VASN: variants seen among roughly 807,000 people sequenced by gnomAD.
VASN encodes the protein vasorin, also known as protein slit-like 2.
A neutral mutation model predicts 4.8 loss-of-function variants in VASN; 5 were observed. That is an observed-to-expected ratio of 1.03 (90% confidence interval 0.54 to 2.17). VASN has a LOEUF of 2.17. Among genes scored for constraint, VASN ranks in the 30% most tolerant of loss-of-function variants. The probability of loss-of-function intolerance (pLI) is 0.01; values close to 1 mark genes in which losing one functional copy is unlikely to be tolerated. For synonymous variants in VASN, 499 were observed against 460.8 expected (o/e 1.08, Z -1.06); for missense variants, 927 against 948.8 (o/e 0.98, Z 0.30).
intron 1 of VASN, among the ~76,000 whole-genome samples, chr16:4,374,943 G>A (rs2054666589): frequency 6.6e-6 from 1 of 152,084 alleles, no homozygotes; most frequent in Non-Finnish European, 1.5e-5. Context: ...CCCCTGGGTG[G>A]GGACAGGGCA....
chr16:4,376,475 G>A (rs2054735497), intron 1 of VASN, among the ~76,000 whole-genome samples: 1 of 152,172 alleles, frequency 6.6e-6, no homozygotes, highest in Admixed American at 6.5e-5. Flanking sequence ...CACAGGAGGG[G>A]CGTACTGGCC....
Position 4,382,602 on chromosome 16 carries a change from GCTC to G in VASN, c.1729_1731del (p.Leu577del). The G allele has an allele frequency of 1.9e-6, 3 of 1,588,910 alleles. No individual in the cohort carries two copies. The highest frequency in any genetic ancestry group is 1.7e-4 in the Middle Eastern group (1 of 6,016). On this transcript the variant is annotated inframe_deletion, in exon 2 of 2. Coordinates refer to ENST00000304735, the MANE Select transcript of VASN (RefSeq NM_138440.3). ...CCCAGGCCCGCGAGGGCAACCTGCC[GCTC>G]CTCATTGCGCCCGCCCTGGCCGCGG...
chr16:4,380,811 T>C, intron 1 of VASN, 58 bp from the exon 2 acceptor site: 1 of 1,417,428 alleles, frequency 7.1e-7, no homozygotes, highest in Non-Finnish European at 9.2e-7. Context: ...TCCTGGCGTG[T>C]CTGCCTTCTA....
At position 4,381,763 on chromosome 16, in the gene VASN, G is replaced by A. The variant is rs756410464; in HGVS notation, c.886G>A (p.Ala296Thr). The A allele has an allele frequency of 2.5e-6, 4 of 1,602,206 alleles. No homozygotes were observed. The highest frequency in any genetic ancestry group is 2.5e-6 in the Non-Finnish European group (3 of 1,179,330). The change falls in exon 2 of 2, where the codon GCC (alanine) becomes ACC (threonine). Residue 296 changes from alanine (A) to threonine (T), a missense_variant. Transcript: ENST00000304735. ...CCCCCGCCTGCGGCTGCTGGCAGCT[G>A]CCCGCAACCCCTTCAACTGCGTGTG... Reference protein sequence around the residue: ...LFPRLRLLAAARNPFNCVCPL... With the variant: ...LFPRLRLLAATRNPFNCVCPL...
chr16:4,378,358 TGGCCAC>T (rs1223411827), intron 1 of VASN, among the ~76,000 whole-genome samples: 6 of 151,726 alleles, frequency 4.0e-5, no homozygotes, highest in Admixed American at 6.6e-5. Flanking sequence ...CTGGCCAGGC[TGGCCAC>T]GTGGAGGATC....
chr16:4,376,169 C>T (rs1323043339), intron 1 of VASN, among the ~76,000 whole-genome samples: 4 of 152,190 alleles, frequency 2.6e-5, no homozygotes, highest in Non-Finnish European at 4.4e-5. Flanking sequence ...TGAGGGCCCA[C>T]GACCCCTGAC....
intron 1 of VASN, among the ~76,000 whole-genome samples, chr16:4,376,079 G>A (rs1440196501): frequency 6.6e-6 from 1 of 152,196 alleles, no homozygotes; most frequent in Non-Finnish European, 1.5e-5. Context: ...TCACCAGCCA[G>A]GGGTCCCCGC....
At position 4,381,769 on chromosome 16, in the gene VASN, A is replaced by G. The variant is rs770871232; in HGVS notation, c.892A>G (p.Asn298Asp). The change falls in exon 2 of 2, where the codon AAC becomes GAC. Residue 298 changes from asparagine (N) to aspartate (D), a missense_variant. Transcript: ENST00000304735. ...CCTGCGGCTGCTGGCAGCTGCCCGCAACCCCTTCAACTGCGTGTGCCCCCT... is the reference window on the plus strand; with the variant it reads ...CCTGCGGCTGCTGGCAGCTGCCCGCGACCCCTTCAACTGCGTGTGCCCCCT... ...PRLRLLAAAR[N>D]PFNCVCPLSW... 6.2e-7 allele frequency: 1 copy of G among 1,601,478 alleles called. No homozygotes were observed. The highest frequency in any genetic ancestry group is 8.5e-7 in the Non-Finnish European group (1 of 1,179,272).
At chr16:4,379,207 G>A (rs997541543) in intron 1 of VASN, among the ~76,000 whole-genome samples, 8 of 152,102 alleles carry the variant, frequency 5.3e-5, no homozygotes, top group Admixed American at 3.9e-4. Context: ...GGGGAAGCCC[G>A]GACTCCAGCA....
intron 1 of VASN, among the ~76,000 whole-genome samples, chr16:4,378,708 G>C (rs1256141248): frequency 6.6e-6 from 1 of 152,044 alleles, no homozygotes; most frequent in South Asian, 2.1e-4. Flanking sequence ...AGGCCCTCCT[G>C]GGCTGTTCAC....
At chr16:4,375,470 G>A (rs2054684816) in intron 1 of VASN, among the ~76,000 whole-genome samples, 1 of 152,252 alleles carries the variant, frequency 6.6e-6, no homozygotes, top group Non-Finnish European at 1.5e-5. Context: ...ATACAGCTCT[G>A]CCTGGGTCTC....
intron 1 of VASN, among the ~76,000 whole-genome samples, chr16:4,376,264 C>T (rs1245839443): frequency 6.6e-6 from 1 of 152,222 alleles, no homozygotes; most frequent in Admixed American, 6.5e-5. Context: ...TCCTCGGACA[C>T]GTCAGCGAAA....
In VASN at chr16:4,382,728, A is replaced by G. The variant is rs1228819398; in HGVS notation, c.1851A>G (p.Pro617=). The G allele has an allele frequency of 2.6e-6, 4 of 1,553,090 alleles. No homozygotes were observed. The highest frequency in any genetic ancestry group is 2.4e-5 in the East Asian group (1 of 41,164). Residue 617 remains proline (P), a synonymous_variant, in exon 2 of 2, where the codon CCA becomes CCG. Coordinates refer to ENST00000304735, the MANE Select transcript of VASN (RefSeq NM_138440.3). ...AAAQDKGQVG[P]GAGPLELEGV... Reference sequence around the variant, plus strand: ...CTCAGGACAAAGGGCAGGTGGGGCCAGGGGCTGGGCCCCTGGAACTGGAGG... The same window carrying G: ...CTCAGGACAAAGGGCAGGTGGGGCCGGGGGCTGGGCCCCTGGAACTGGAGG...
In VASN at chr16:4,381,510, C is replaced by T. The variant is rs1178533414; in HGVS notation, c.633C>T (p.Leu211=). 3.1e-6 allele frequency: 5 copies of T among 1,595,670 alleles called. No homozygotes were observed. The highest frequency in any genetic ancestry group is 3.4e-6 in the Non-Finnish European group (4 of 1,172,604). The change falls in exon 2 of 2, where the codon CTC becomes CTT. Residue 211 remains leucine (L), a synonymous_variant. Coordinates refer to ENST00000304735, the MANE Select transcript of VASN (RefSeq NM_138440.3). The part of the protein sequence containing the change: ...GLGLQQLDEG[L]FSRLRNLHDL... ...GGCTGCAGCAGCTGGACGAGGGGCT[C>T]TTCAGCCGCTTGCGCAACCTCCACG... is the stretch of plus-strand genomic sequence containing the variant.
rs144301938 is a variant in VASN at position 4,382,158 on chromosome 16, C to T, written c.1281C>T (p.His427=). ...GGTCHLGTRH[H]LACLCPEGFT... is the part of the protein sequence containing the mutation. ...CATGCCACCTGGGGACACGGCACCACCTGGCGTGCTTGTGCCCCGAAGGCT... is the reference window on the plus strand; with the variant it reads ...CATGCCACCTGGGGACACGGCACCATCTGGCGTGCTTGTGCCCCGAAGGCT... The change falls in exon 2 of 2, where the codon CAC becomes CAT. Residue 427 remains histidine (H), a synonymous_variant. Transcript: ENST00000304735. 58 of 1,593,364 alleles carry T rather than the reference C, an allele frequency of 3.6e-5. No individual in the cohort carries two copies. In the African/African-American group the frequency reaches 6.4e-4, roughly 18 times the overall value.
At chr16:4,374,919 T>G (rs2054665493) in intron 1 of VASN, among the ~76,000 whole-genome samples, 1 of 152,026 alleles carries the variant, frequency 6.6e-6, no homozygotes, top group Non-Finnish European at 1.5e-5. Flanking sequence ...AGGGCCTTAC[T>G]AGATGGGTGC....
chr16:4,380,363 C>G (rs921717689), intron 1 of VASN, among the ~76,000 whole-genome samples: 4 of 152,244 alleles, frequency 2.6e-5, no homozygotes, highest in Admixed American at 2.0e-4. Flanking sequence ...CATGTGAAGT[C>G]TTCCCGCTGC....
chr16:4,373,574 G>A lies in VASN; in HGVS notation c.-10+1581G>A, dbSNP rs749096813. ...TACCCGAGGAAGGCCCCTCTGGCAC[G>A]CAGCCCAGGGGCCAGGGAGATGGCA... On this transcript the variant is annotated intron_variant, in intron 1 of 1. Coordinates refer to ENST00000304735, the MANE Select transcript of VASN (RefSeq NM_138440.3). 5.9e-4 allele frequency among the ~76,000 whole-genome samples: 90 copies of A among 152,146 alleles called. 1 individual carries two copies. Among genetic ancestry groups the A allele is most frequent in the Non-Finnish European group, 1.0e-3 (68 of 67,998 alleles).
Position 4,382,586 on chromosome 16 carries a change from G to T in VASN, c.1709G>T (p.Arg570Leu), listed in dbSNP as rs780337131. 15 of 1,586,964 alleles carry T rather than the reference G, an allele frequency of 9.5e-6. No homozygotes were observed. The South Asian group carries it at 1.1e-4, about 12-fold the overall frequency. ...HSNHAPVTQA[R>L]EGNLPLLIAP... ...AACCACGCCCCAGTCACCCAGGCCC[G>T]CGAGGGCAACCTGCCGCTCCTCATT... The change falls in exon 2 of 2, where the codon CGC (arginine) becomes CTC (leucine). Residue 570 changes from arginine to leucine, a missense_variant. Physicochemically the swap from Arg to Leu is moderately radical, Grantham distance 102. Coordinates refer to ENST00000304735, the MANE Select transcript of VASN (RefSeq NM_138440.3).
Sources: allele counts gnomAD v4.1 joint callset (sites outside exome capture counted in the v4.1 genomes callset), GRCh38; gene constraint gnomAD v4.1.1; transcripts MANE v1.5; gene names NCBI Gene and HGNC (gene_info 2026-07-23, HGNC 2026-07-21).